EEFSEC: variants seen among roughly 807,000 people sequenced by gnomAD.
EEFSEC encodes eukaryotic elongation factor, selenocysteine-tRNA specific.
Under a neutral mutation model 42.1 loss-of-function variants are expected in EEFSEC, and 43 were observed. That is an observed-to-expected ratio of 1.02 (90% CI 0.80 to 1.32). EEFSEC has a LOEUF of 1.32. Ranked by LOEUF, EEFSEC falls within the 40% of genes most tolerant of loss-of-function variation. The probability of loss-of-function intolerance (pLI) is 0.00; values close to 1 mark genes in which losing one functional copy is unlikely to be tolerated. For synonymous variants in EEFSEC, 354 were observed against 339.1 expected, an observed-to-expected ratio of 1.04 and a Z score of -0.48; for missense variants, 745 against 803.6, an observed-to-expected ratio of 0.93 and a Z score of 0.88.
chr3:128,336,592 C>T (rs2067192308), intron 4 of EEFSEC, among the ~76,000 whole-genome samples: 1 of 152,182 alleles, frequency 6.6e-6, no homozygotes, highest in East Asian at 1.9e-4. Context: ...TTCCCCTGCC[C>T]AGGGCCTTAG....
chr3:128,228,936 C>T (rs1465385285), intron 1 of EEFSEC, among the ~76,000 whole-genome samples: 1 of 152,134 alleles, frequency 6.6e-6, no homozygotes, highest in Non-Finnish European at 1.5e-5. Flanking sequence ...TAACTTCTGT[C>T]CCAGAGGAAA....
At chr3:128,192,858 C>T (rs1414216840) in intron 1 of EEFSEC, among the ~76,000 whole-genome samples, 1 of 152,168 alleles carries the variant, frequency 6.6e-6, no homozygotes, top group Non-Finnish European at 1.5e-5. Context: ...ATGTGTAAAG[C>T]ATCCTAACAG....
the EEFSEC span, among the ~76,000 whole-genome samples, chr3:128,424,070 C>G: frequency 2.0e-5 from 3 of 152,148 alleles, no homozygotes; most frequent in African/African-American, 4.8e-5. Flanking sequence ...TATGCATGCA[C>G]GTGCACACAC....
At chr3:128,163,195 G>C (rs193114428) in intron 1 of EEFSEC, among the ~76,000 whole-genome samples, 9 of 152,078 alleles carry the variant, frequency 5.9e-5, no homozygotes, top group Non-Finnish European at 1.2e-4. Context: ...TGGTACTCTG[G>C]GTATCTTGGA....
At chr3:128,343,923 A>G (rs2067283829) in intron 5 of EEFSEC, among the ~76,000 whole-genome samples, 1 of 152,218 alleles carries the variant, frequency 6.6e-6, no homozygotes, top group Non-Finnish European at 1.5e-5. Context: ...CATATAGACA[A>G]CCCTGAGCAG....
At chr3:128,199,530 CTATT>C (rs2107814588) in intron 1 of EEFSEC, among the ~76,000 whole-genome samples, 1 of 152,272 alleles carries the variant, frequency 6.6e-6, no homozygotes, top group South Asian at 2.1e-4. Context: ...TCCCTTGTGT[CTATT>C]TACCATTTAA....
chr3:128,282,619 T>G (rs1275671317), intron 4 of EEFSEC, among the ~76,000 whole-genome samples: 1 of 152,030 alleles, frequency 6.6e-6, no homozygotes, highest in Admixed American at 6.6e-5. Context: ...GTACACAGCT[T>G]AGGAAGGGGG....
chr3:128,233,713 T>TG (rs1445907861), intron 1 of EEFSEC, among the ~76,000 whole-genome samples: 2 of 152,244 alleles, frequency 1.3e-5, no homozygotes, highest in Non-Finnish European at 2.9e-5. Context: ...ATGGTGGGCA[T>TG]GCAGGCTCTT....
chr3:128,389,709 C>G (rs565980082), intron 6 of EEFSEC, among the ~76,000 whole-genome samples: 2 of 152,390 alleles, frequency 1.3e-5, no homozygotes, highest in East Asian at 3.8e-4. Context: ...CAACAGGGAG[C>G]ATGGCATGCT....
At chr3:128,321,226 G>A (rs1392736398) in intron 4 of EEFSEC, among the ~76,000 whole-genome samples, 1 of 152,156 alleles carries the variant, frequency 6.6e-6, no homozygotes, top group African/African-American at 2.4e-5. Context: ...ATGGGCTGGG[G>A]CAAGGAGCTG....
intron 1 of EEFSEC, among the ~76,000 whole-genome samples, chr3:128,225,408 G>T (rs1307524733): frequency 1.3e-5 from 2 of 152,206 alleles, no homozygotes; most frequent in African/African-American, 4.8e-5. Context: ...AGTTCTGAAG[G>T]TTATAGAAGA....
intron 1 of EEFSEC, among the ~76,000 whole-genome samples, chr3:128,214,663 T>C (rs1180020467): frequency 6.6e-6 from 1 of 152,238 alleles, no homozygotes; most frequent in Non-Finnish European, 1.5e-5. Context: ...AGTTAAGATA[T>C]GTATTCAATA....
intron 4 of EEFSEC, among the ~76,000 whole-genome samples, chr3:128,289,722 C>T (rs1158994775): frequency 6.6e-6 from 1 of 152,198 alleles, no homozygotes; most frequent in African/African-American, 2.4e-5. Context: ...TTCTCTGCAC[C>T]GCCCTTCCAG....
chr3:128,252,318 T>C lies in EEFSEC; in HGVS notation c.524+5275T>C, dbSNP rs544015629. On this transcript the variant is annotated intron_variant, in intron 2 of 6. Transcript: ENST00000254730. The stretch of plus-strand genomic sequence containing the variant: ...CTAGCTTTGTGGCTGACTAACTGTG[T>C]GTGCTTGGGCGACTCACTCCATCTC... Among the ~76,000 whole-genome samples the C allele has an allele frequency of 5.3e-5, 8 of 152,326 alleles. No individual in the cohort carries two copies. The South Asian group carries it at 1.7e-3, about 32-fold the overall frequency.
At chr3:128,379,592 A>G (rs1444773505) in intron 6 of EEFSEC, among the ~76,000 whole-genome samples, 1 of 152,238 alleles carries the variant, frequency 6.6e-6, no homozygotes. Flanking sequence ...GCATGGTCCC[A>G]TGTCACACAG....
At chr3:128,257,566 T>C (rs1023848321) in intron 2 of EEFSEC, among the ~76,000 whole-genome samples, 1 of 152,222 alleles carries the variant, frequency 6.6e-6, no homozygotes, top group Admixed American at 6.5e-5. Flanking sequence ...TGCAGGTCTT[T>C]TATGGTTTTC....
At chr3:128,304,272 A>G (rs115937142) in intron 4 of EEFSEC, among the ~76,000 whole-genome samples, 2,895 of 152,150 alleles carry the variant, frequency 0.019, 69 homozygotes, top group Non-Finnish European at 0.022. Flanking sequence ...AAGAGAGTTT[A>G]CATCATTATA....
chr3:128,351,240 A>G (rs556424511), intron 5 of EEFSEC, among the ~76,000 whole-genome samples: 3 of 152,194 alleles, frequency 2.0e-5, no homozygotes, highest in African/African-American at 7.2e-5. Context: ...ATTTCTGTGC[A>G]TCTGAGATCT....
intron 1 of EEFSEC, among the ~76,000 whole-genome samples, chr3:128,184,685 G>C (rs976131820): frequency 6.6e-6 from 1 of 152,106 alleles, no homozygotes; most frequent in East Asian, 1.9e-4. Context: ...TATTGTTAGT[G>C]ATACCATACT....
Sources: allele counts gnomAD v4.1 joint callset (sites outside exome capture counted in the v4.1 genomes callset), GRCh38; gene constraint gnomAD v4.1.1; transcripts MANE v1.5; gene names NCBI Gene and HGNC (gene_info 2026-07-23, HGNC 2026-07-21).